The following GRID2 variants were observed in gnomAD, a reference collection of about 807,000 sequenced individuals.
The protein encoded by GRID2 is glutamate ionotropic receptor delta type subunit 2, also known as glutamate receptor ionotropic, delta-2.
A neutral mutation model predicts 114.8 loss-of-function variants in GRID2; 33 were observed. The ratio of observed to expected loss-of-function variants is 0.29; its 90% CI spans 0.22 to 0.38. The LOEUF (loss-of-function observed/expected upper bound fraction) is 0.38. GRID2 is among the 10% of genes least tolerant of loss of function. The probability of loss-of-function intolerance (pLI) is 1.00; values close to 1 mark genes in which losing one functional copy is unlikely to be tolerated. For missense variants in GRID2, 1,184 were observed against 1,257.7 expected, an observed-to-expected ratio of 0.94 and a Z score of 0.89; for synonymous variants, 505 against 449.9, an observed-to-expected ratio of 1.12 and a Z score of -1.55.
At chr4:93,466,115 G>A (rs1309208657) in intron 11 of GRID2, among the ~76,000 whole-genome samples, 2 of 152,208 alleles carry the variant, frequency 1.3e-5, no homozygotes, top group Non-Finnish European at 2.9e-5. Flanking sequence ...CTCGAGATCT[G>A]CAACTAAAAT....
chr4:92,913,229 C>T (rs1273665349), intron 2 of GRID2, among the ~76,000 whole-genome samples: 2 of 151,750 alleles, frequency 1.3e-5, no homozygotes, highest in Non-Finnish European at 2.9e-5. Context: ...CAGACATTTG[C>T]TACTTTGTCT....
chr4:93,268,196 A>G (rs1168498009), intron 8 of GRID2, among the ~76,000 whole-genome samples: 3 of 152,174 alleles, frequency 2.0e-5, no homozygotes, highest in Non-Finnish European at 4.4e-5. Flanking sequence ...TCTACACACT[A>G]TTTTGCTGTT....
intron 2 of GRID2, among the ~76,000 whole-genome samples, chr4:93,061,755 A>C (rs1246516160): frequency 6.6e-6 from 1 of 152,124 alleles, no homozygotes; most frequent in East Asian, 1.9e-4. Flanking sequence ...CTTTTTCCAC[A>C]CTAGAACACA....
chr4:93,233,000 C>T (rs1414936893), intron 7 of GRID2, among the ~76,000 whole-genome samples: 1 of 152,084 alleles, frequency 6.6e-6, no homozygotes, highest in Non-Finnish European at 1.5e-5. Flanking sequence ...AGAAATATGT[C>T]ATTGGAGGGC....
chr4:93,093,453 A>G (rs1310851208), intron 3 of GRID2, among the ~76,000 whole-genome samples: 1 of 151,970 alleles, frequency 6.6e-6, no homozygotes, highest in Admixed American at 6.6e-5. Context: ...TTCTGGGGAG[A>G]GAAGAAGCAT....
chr4:93,778,050 G>A (rs17296050), downstream of GRID2, among the ~76,000 whole-genome samples: 9,518 of 152,100 alleles, frequency 0.063, 321 homozygotes, highest in Admixed American at 0.075. Flanking sequence ...TTGCATATTC[G>A]CTACACAAAA....
At chr4:92,559,681 A>T (rs1162475145) in intron 1 of GRID2, among the ~76,000 whole-genome samples, 1 of 152,188 alleles carries the variant, frequency 6.6e-6, no homozygotes, top group African/African-American at 2.4e-5. Context: ...AGGAAATTCA[A>T]ATATCACCAC....
At chr4:93,118,618 C>T (rs1464120895) in intron 4 of GRID2, among the ~76,000 whole-genome samples, 3 of 152,118 alleles carry the variant, frequency 2.0e-5, no homozygotes, top group African/African-American at 7.2e-5. Context: ...TGAAACTGGT[C>T]AAATAGGTTG....
At chr4:92,425,608 T>G (rs1170893054) in intron 1 of GRID2, among the ~76,000 whole-genome samples, 1 of 152,242 alleles carries the variant, frequency 6.6e-6, no homozygotes, top group Non-Finnish European at 1.5e-5. Flanking sequence ...TGACCACCTC[T>G]TCTGTAGTAT....
chr4:93,230,804 CAATT>C (rs1746041698), intron 7 of GRID2, among the ~76,000 whole-genome samples: 2 of 152,020 alleles, frequency 1.3e-5, no homozygotes, highest in South Asian at 4.1e-4. Context: ...TAAACACCCT[CAATT>C]AATATTATAT....
intron 3 of GRID2, among the ~76,000 whole-genome samples, chr4:93,086,230 TA>T (rs766181437): frequency 5.9e-5 from 9 of 152,218 alleles, no homozygotes; most frequent in Non-Finnish European, 1.0e-4. Flanking sequence ...GTTCAGTTTT[TA>T]CAGTTTTCTG....
At chr4:92,676,588 T>C (rs781273154) in intron 2 of GRID2, among the ~76,000 whole-genome samples, 1 of 152,150 alleles carries the variant, frequency 6.6e-6, no homozygotes, top group Non-Finnish European at 1.5e-5. Flanking sequence ...ATATGGAGCA[T>C]GGACTTAATT....
intron 9 of GRID2, among the ~76,000 whole-genome samples, chr4:93,407,455 C>T (rs1445418000): frequency 6.6e-6 from 1 of 152,038 alleles, no homozygotes; most frequent in Admixed American, 6.6e-5. Context: ...TTTTAATGAT[C>T]GGTCGAAATA....
At chr4:93,212,930 G>A (rs1296261628) in intron 5 of GRID2, among the ~76,000 whole-genome samples, 3 of 151,842 alleles carry the variant, frequency 2.0e-5, no homozygotes, top group South Asian at 2.1e-4. Flanking sequence ...GTGCCACCAC[G>A]CCTGGCTAAT....
rs1044744041 is a variant in GRID2, at chr4:93,553,169, A to G, written c.2193+37758A>G. Among the ~76,000 whole-genome samples the G allele has an allele frequency of 3.9e-5, 6 of 152,196 alleles. No individual in the cohort carries two copies. The South Asian group carries it at 8.3e-4, about 21-fold the overall frequency. ...ACCCAGTAATGGGATTCCTGAGTCA[A>G]GTGGTACTTCTAGTTCTAGATCCTT... On this transcript the variant is annotated intron_variant, in intron 13 of 15. Transcript: ENST00000282020.
intron 8 of GRID2, among the ~76,000 whole-genome samples, chr4:93,244,898 C>T (rs1748027711): frequency 6.6e-6 from 1 of 151,574 alleles, no homozygotes; most frequent in Non-Finnish European, 1.5e-5. Context: ...TTTTTGCAAA[C>T]TGATATTATA....
intron 14 of GRID2, among the ~76,000 whole-genome samples, chr4:93,678,474 A>G (rs12507623): frequency 0.94 from 142,863 of 151,830 alleles, 67,368 homozygotes; most frequent in East Asian, 1. Flanking sequence ...ACACATAATT[A>G]TCAGATTCAC....
intron 11 of GRID2, among the ~76,000 whole-genome samples, chr4:93,475,985 C>G (rs567417608): frequency 1.3e-5 from 2 of 151,992 alleles, no homozygotes; most frequent in African/African-American, 4.8e-5. Context: ...TTTACTGTTT[C>G]GGTGCCTTTC....
At chr4:93,004,477 A>G (rs1578728101) in intron 2 of GRID2, among the ~76,000 whole-genome samples, 1 of 152,162 alleles carries the variant, frequency 6.6e-6, no homozygotes, top group South Asian at 2.1e-4. Context: ...CCTTGCTGCC[A>G]TTTGTACACT....
Sources: allele counts gnomAD v4.1 joint callset (sites outside exome capture counted in the v4.1 genomes callset), GRCh38; gene constraint gnomAD v4.1.1; transcripts MANE v1.5; gene names NCBI Gene and HGNC (gene_info 2026-07-23, HGNC 2026-07-21).